Variants in NBAS observed in about 807,000 individuals in gnomAD.
The protein encoded by NBAS is NAG/BC035112 fusion.
In NBAS, 219 loss-of-function variants were observed where a neutral mutation model predicts 302.5. That is an observed-to-expected ratio of 0.72 (90% CI 0.65 to 0.81). NBAS has a LOEUF of 0.81. NBAS is among the 30% of genes least tolerant of loss of function. The pLI, the probability that NBAS is intolerant of heterozygous loss-of-function variation, is 0.00. For missense variants in NBAS, 2,932 were observed against 2,841.6 expected (o/e 1.03, Z -0.72); for synonymous variants, 1,118 against 1,021.6 (o/e 1.09, Z -1.80).
At chr2:15,203,890 T>TGTGTGTG (rs1666009557) in intron 48 of NBAS, among the ~76,000 whole-genome samples, 2 of 129,460 alleles carry the variant, frequency 1.5e-5, no homozygotes, top group East Asian at 2.2e-4. Context: ...GTGTGTGTGC[T>TGTGTGTG]TGTGTGTGTG....
chr2:15,121,730 A>T, the NBAS span, among the ~76,000 whole-genome samples: 51 of 141,994 alleles, frequency 3.6e-4, no homozygotes, highest in African/African-American at 6.9e-4. Flanking sequence ...TACAAAAAAA[A>T]TTTTTTTTTT....
chr2:15,345,328 A>G (rs1280281129), intron 35 of NBAS, among the ~76,000 whole-genome samples: 2 of 152,200 alleles, frequency 1.3e-5, no homozygotes, highest in Non-Finnish European at 2.9e-5. Context: ...TACAAAATCA[A>G]TATGTAAAAA....
At chr2:15,529,009 C>T (rs1663088727) in intron 9 of NBAS, among the ~76,000 whole-genome samples, 1 of 151,570 alleles carries the variant, frequency 6.6e-6, no homozygotes, top group Non-Finnish European at 1.5e-5. Flanking sequence ...TAACATGGTG[C>T]ATTCCACAAA....
chr2:15,097,558 G>A, the NBAS span, among the ~76,000 whole-genome samples: 48,367 of 151,924 alleles, frequency 0.32, 8,048 homozygotes, highest in South Asian at 0.4. Context: ...GAGCCAGCAT[G>A]ATGGGGTTCT....
At chr2:15,326,530 G>GT (rs942472097) in intron 38 of NBAS, among the ~76,000 whole-genome samples, 60 of 152,208 alleles carry the variant, frequency 3.9e-4, no homozygotes, top group African/African-American at 1.3e-3. Context: ...AGCAACTGAT[G>GT]TAAGACAATA....
the NBAS span, among the ~76,000 whole-genome samples, chr2:15,108,003 T>C: frequency 6.6e-6 from 1 of 152,156 alleles, no homozygotes; most frequent in Non-Finnish European, 1.5e-5. Flanking sequence ...TCATGTTGAA[T>C]CATGTATCAA....
At chr2:15,496,924 A>G (rs1681093818) in intron 11 of NBAS, among the ~76,000 whole-genome samples, 1 of 152,196 alleles carries the variant, frequency 6.6e-6, no homozygotes, top group Non-Finnish European at 1.5e-5. Flanking sequence ...AACAATAGGA[A>G]CTGTATTTAA....
intron 21 of NBAS, among the ~76,000 whole-genome samples, chr2:15,430,564 A>G (rs1359122558): frequency 6.6e-6 from 1 of 152,228 alleles, no homozygotes; most frequent in Non-Finnish European, 1.5e-5. Context: ...TATCTTCCTC[A>G]TATTACAATG....
intron 28 of NBAS, among the ~76,000 whole-genome samples, chr2:15,388,244 C>G (rs1675408473): frequency 1.3e-5 from 2 of 151,874 alleles, no homozygotes; most frequent in Admixed American, 1.3e-4. Context: ...TAGATTTATT[C>G]TTAGGTATTT....
the NBAS span, among the ~76,000 whole-genome samples, chr2:15,142,537 C>T: frequency 6.6e-6 from 1 of 152,242 alleles, no homozygotes; most frequent in Non-Finnish European, 1.5e-5. Flanking sequence ...TGAGGGAACG[C>T]TCCCCTTGTT....
chr2:14,936,389 G>A, the NBAS span, among the ~76,000 whole-genome samples: 26 of 152,322 alleles, frequency 1.7e-4, no homozygotes, highest in African/African-American at 6.0e-4. Context: ...AATATGCTAG[G>A]ACACATCAGT....
intron 6 of NBAS, among the ~76,000 whole-genome samples, chr2:15,539,966 C>A (rs540494832): frequency 6.6e-6 from 1 of 151,974 alleles, no homozygotes; most frequent in African/African-American, 2.4e-5. Flanking sequence ...TAATCAACAA[C>A]TTAATAATTC....
chr2:15,057,325 A>AAAAC, the NBAS span, among the ~76,000 whole-genome samples: 1 of 151,678 alleles, frequency 6.6e-6, no homozygotes, highest in African/African-American at 2.4e-5. Context: ...AAAAAAAAAA[A>AAAAC]AACTGTTGCA....
chr2:15,056,080 T>C, the NBAS span, among the ~76,000 whole-genome samples: 2 of 130,786 alleles, frequency 1.5e-5, no homozygotes, highest in East Asian at 4.5e-4. Context: ...TTATATTATA[T>C]TTTTTAGAGT....
intron 40 of NBAS, among the ~76,000 whole-genome samples, chr2:15,300,572 C>T (rs184687268): frequency 1.3e-5 from 2 of 152,314 alleles, no homozygotes; most frequent in East Asian, 3.9e-4. Flanking sequence ...AAACCTGAAG[C>T]CTCAAGCTGT....
the NBAS span, among the ~76,000 whole-genome samples, chr2:15,129,554 C>T: frequency 6.6e-6 from 1 of 152,218 alleles, no homozygotes; most frequent in Admixed American, 6.5e-5. Context: ...CACGGGGCTC[C>T]CATGCCTGCA....
the NBAS span, among the ~76,000 whole-genome samples, chr2:15,103,196 C>T: frequency 2.6e-5 from 4 of 152,246 alleles, no homozygotes; most frequent in Middle Eastern, 3.4e-3. Flanking sequence ...ACCTTCAGTC[C>T]TGTTGTCCCT....
chr2:15,370,671 G>A (rs1425785690), intron 31 of NBAS, among the ~76,000 whole-genome samples: 1 of 152,166 alleles, frequency 6.6e-6, no homozygotes, highest in Non-Finnish European at 1.5e-5. Context: ...TTATTTTGGA[G>A]CTTTAAGATT....
chr2:14,956,183 T>G, the NBAS span, among the ~76,000 whole-genome samples: 1 of 152,170 alleles, frequency 6.6e-6, no homozygotes, highest in African/African-American at 2.4e-5. Flanking sequence ...TTTATTCCAG[T>G]TCATAACAAG....
Sources: gnomAD v4.1 joint callset for allele counts (sites outside exome capture counted in the v4.1 genomes callset) on GRCh38, gnomAD v4.1.1 for gene constraint, MANE v1.5 for transcripts, NCBI Gene and HGNC (gene_info 2026-07-23, HGNC 2026-07-21) for gene names.